The following CCDC146 variants were observed in gnomAD, a reference collection of about 807,000 sequenced individuals.
CCDC146 encodes coiled-coil domain-containing protein 146.
In CCDC146, 92 loss-of-function variants were observed where a neutral mutation model predicts 119.3. The observed-to-expected ratio is 0.77, with a 90% CI of 0.65 to 0.92. The LOEUF is 0.92. Ranked by LOEUF, CCDC146 falls within the 40% of genes least tolerant of loss-of-function variation. CCDC146 has a pLI of 0.00. For missense variants in CCDC146, 1,000 were observed against 1,103.0 expected (o/e 0.91, Z 1.32); for synonymous variants, 372 against 371.8 (o/e 1.00, Z -0.01).
chr7:77,228,448 T>C (rs995730115), intron 2 of CCDC146, among the ~76,000 whole-genome samples: 1 of 152,222 alleles, frequency 6.6e-6, no homozygotes, highest in African/African-American at 2.4e-5. Flanking sequence ...CTAAGGATAA[T>C]GGCCTCCAGC....
intron 17 of CCDC146, among the ~76,000 whole-genome samples, chr7:77,290,326 T>C (rs7802717): frequency 0.24 from 36,329 of 151,680 alleles, 5,127 homozygotes; most frequent in African/African-American, 0.39. Flanking sequence ...TGTATACATA[T>C]GTAACAAATC....
At chr7:77,274,988 T>A (rs2150535495) in intron 11 of CCDC146, among the ~76,000 whole-genome samples, 1 of 126,204 alleles carries the variant, frequency 7.9e-6, no homozygotes, top group East Asian at 5.8e-4. Context: ...GTAACTAACT[T>A]GCACATTGTG....
At chr7:77,267,933 G>A (rs1562855087) in intron 9 of CCDC146, among the ~76,000 whole-genome samples, 1 of 152,118 alleles carries the variant, frequency 6.6e-6, no homozygotes, top group Non-Finnish European at 1.5e-5. Context: ...AGACTAACAG[G>A]AATACATCAG....
In CCDC146 at chr7:77,211,311, A is replaced by G. The variant is rs142986388; in HGVS notation, c.157-25636A>G. On this transcript the variant is annotated intron_variant, in intron 2 of 18. Transcript: ENST00000285871. The stretch of plus-strand genomic sequence containing the variant: ...TGTGCCTGTTTTTTAAACTTGATGT[A>G]AATAGAATCATACAAAATGTATTTT... 2.6e-5 allele frequency among the ~76,000 whole-genome samples: 4 copies of G among 152,318 alleles called. No homozygotes were observed. In the East Asian group the frequency reaches 7.7e-4, roughly 29 times the overall value.
chr7:77,130,153 G>A (rs570572843), intron 1 of CCDC146, among the ~76,000 whole-genome samples: 7 of 152,180 alleles, frequency 4.6e-5, no homozygotes, highest in African/African-American at 1.4e-4. Context: ...TCTTCTATTT[G>A]TGAAATTGTG....
At chr7:77,259,933 A>G (rs1036372911) in intron 7 of CCDC146, 76 bp from the exon 8 acceptor site, 2 of 956,652 alleles carry the variant, frequency 2.1e-6, no homozygotes, top group South Asian at 1.6e-5. Context: ...GCCTCAAAAT[A>G]AGGCAAGTGT....
chr7:77,289,134 T>G (rs1793899482), intron 17 of CCDC146, among the ~76,000 whole-genome samples: 1 of 152,238 alleles, frequency 6.6e-6, no homozygotes, highest in African/African-American at 2.4e-5. Context: ...GTTAAGCTCA[T>G]GCACTTTGCC....
chr7:77,233,650 T>C (rs1460052819), intron 2 of CCDC146, among the ~76,000 whole-genome samples: 1 of 152,150 alleles, frequency 6.6e-6, no homozygotes, highest in Non-Finnish European at 1.5e-5. Context: ...GTGCACAACC[T>C]AGATCCCTCA....
intron 5 of CCDC146, among the ~76,000 whole-genome samples, chr7:77,255,120 G>A (rs1793153134): frequency 1.3e-5 from 2 of 152,296 alleles, no homozygotes; most frequent in South Asian, 4.1e-4. Flanking sequence ...CATGTCACTA[G>A]TTGGTCACAT....
intron 1 of CCDC146, among the ~76,000 whole-genome samples, chr7:77,142,862 C>G (rs527856819): frequency 6.6e-6 from 1 of 151,852 alleles, no homozygotes; most frequent in East Asian, 1.9e-4. Context: ...GTGAATAGGG[C>G]TGCAATAAAC....
chr7:77,227,571 C>T (rs1436869695), intron 2 of CCDC146, among the ~76,000 whole-genome samples: 1 of 152,196 alleles, frequency 6.6e-6, no homozygotes, highest in East Asian at 1.9e-4. Flanking sequence ...TCCCAAAGTG[C>T]TGGCATTACA....
chr7:77,196,589 C>A lies in CCDC146; in HGVS notation c.156+28765C>A. 6.2e-7 allele frequency: 1 copy of A among 1,614,070 alleles called. No individual in the cohort carries two copies. The highest frequency in any genetic ancestry group is 8.5e-7 in the Non-Finnish European group (1 of 1,179,978). Reference sequence around the variant, plus strand: ...GAAACGTAATGCATCTCCAGCTGTGCCATTATAGTTACCAACGTGTAAACG... The same window carrying A: ...GAAACGTAATGCATCTCCAGCTGTGACATTATAGTTACCAACGTGTAAACG... On this transcript the variant is annotated intron_variant, in intron 2 of 18. Coordinates refer to ENST00000285871, the MANE Select transcript of CCDC146 (RefSeq NM_020879.3). This position sits in a 1 kb window ranked among gnomAD's most constrained non-coding sequence, Gnocchi z 4.2.
At chr7:77,143,059 C>A (rs1790960191) in intron 1 of CCDC146, among the ~76,000 whole-genome samples, 1 of 151,828 alleles carries the variant, frequency 6.6e-6, no homozygotes, top group South Asian at 2.1e-4. Context: ...TATTTCTACA[C>A]ATCCTCTCCA....
At chr7:77,178,444 T>A (rs1267286275) in intron 2 of CCDC146, among the ~76,000 whole-genome samples, 4 of 152,216 alleles carry the variant, frequency 2.6e-5, no homozygotes, top group Non-Finnish European at 5.9e-5. Context: ...AACCCAAGGC[T>A]AGGAATGGGA....
intron 1 of CCDC146, among the ~76,000 whole-genome samples, chr7:77,134,272 C>A (rs1345062024): frequency 6.6e-6 from 1 of 151,672 alleles, no homozygotes; most frequent in Non-Finnish European, 1.5e-5. Flanking sequence ...ATCAACACTG[C>A]AAATTTAGGG....
intron 2 of CCDC146, among the ~76,000 whole-genome samples, chr7:77,173,216 G>A (rs1237676255): frequency 6.6e-6 from 1 of 151,764 alleles, no homozygotes; most frequent in African/African-American, 2.4e-5. Flanking sequence ...TTTTTAAGAA[G>A]AAAAAGAAAA....
intron 15 of CCDC146, among the ~76,000 whole-genome samples, chr7:77,284,536 A>G (rs1168757558): frequency 1.3e-5 from 2 of 152,132 alleles, no homozygotes; most frequent in African/African-American, 4.8e-5. Flanking sequence ...TTTAAATTCA[A>G]TAAAATCTGC....
chr7:77,223,407 C>T (rs947888906), intron 2 of CCDC146, among the ~76,000 whole-genome samples: 4 of 152,222 alleles, frequency 2.6e-5, no homozygotes, highest in Admixed American at 6.5e-5. Flanking sequence ...TTGGGAGGCC[C>T]CGTTTGCCCC....
At chr7:77,220,379 C>T (rs1445614094) in intron 2 of CCDC146, among the ~76,000 whole-genome samples, 2 of 152,126 alleles carry the variant, frequency 1.3e-5, no homozygotes, top group African/African-American at 2.4e-5. Context: ...GCCCAGATTT[C>T]GTATTGTTCA....
Sources: gnomAD v4.1 joint callset for allele counts (sites outside exome capture counted in the v4.1 genomes callset) on GRCh38, gnomAD v4.1.1 for gene constraint, Gnocchi (gnomAD v3.1) non-coding constraint, MANE v1.5 for transcripts, NCBI Gene and HGNC (gene_info 2026-07-23, HGNC 2026-07-21) for gene names.